Variants in PEBP4 observed in about 807,000 individuals in gnomAD.
The protein encoded by PEBP4 is phosphatidylethanolamine binding protein 4, also known as phosphatidylethanolamine-binding protein 4.
PEBP4 carries 22 observed loss-of-function variants against 23.9 expected under a neutral mutation model. The observed-to-expected ratio is 0.92, with a 90% CI of 0.66 to 1.31. The LOEUF is 1.31. Ranked by LOEUF, PEBP4 falls within the 40% of genes most tolerant of loss-of-function variation. The probability of loss-of-function intolerance (pLI) is 0.00; values close to 1 mark genes in which losing one functional copy is unlikely to be tolerated. For synonymous variants in PEBP4, 112 were observed against 99.3 expected (o/e 1.13, Z -0.76); for missense variants, 324 against 281.7 (o/e 1.15, Z -1.07).
intron 4 of PEBP4, among the ~76,000 whole-genome samples, chr8:22,782,552 G>A (rs976367059): frequency 6.6e-6 from 1 of 152,164 alleles, no homozygotes; most frequent in Non-Finnish European, 1.5e-5. Context: ...TGGGCACCAG[G>A]GAGTGCTAAT....
rs1806772064 is a variant in PEBP4, at chr8:22,817,658, A to G, written c.336T>C (p.His112=). 3 of 1,614,154 alleles carry G rather than the reference A, an allele frequency of 1.9e-6. No individual in the cohort carries two copies. The highest frequency in any genetic ancestry group is 2.5e-6 in the Non-Finnish European group (3 of 1,180,004). ...RAEPRQRFWR[H]WLVTDIKGAD... ...TTACCTTGATATCTGTTACCAGCCA[A>G]TGTCTCCAGAATCTCTGTCTGGGTT... The change falls in exon 4 of 7, where the codon CAT becomes CAC. Residue 112 remains histidine, a synonymous_variant. Coordinates refer to ENST00000256404, the MANE Select transcript of PEBP4 (RefSeq NM_144962.3).
intron 4 of PEBP4, among the ~76,000 whole-genome samples, chr8:22,769,982 AG>A (rs1805685365): frequency 6.6e-6 from 1 of 152,012 alleles, no homozygotes; most frequent in Admixed American, 6.6e-5. Flanking sequence ...TGCTGCCCTC[AG>A]GGCCCCTGAC....
At chr8:22,928,540 T>C (rs1306486848), upstream of PEBP4, among the ~76,000 whole-genome samples, 1 of 152,154 alleles carries the variant, frequency 6.6e-6, no homozygotes, top group African/African-American at 2.4e-5. Context: ...CCGGGGACTG[T>C]CGCCTGCATT....
intron 3 of PEBP4, among the ~76,000 whole-genome samples, chr8:22,909,850 G>A (rs1334146096): frequency 6.6e-6 from 1 of 152,198 alleles, no homozygotes; most frequent in African/African-American, 2.4e-5. Flanking sequence ...TGTTCATAAA[G>A]TGCTTAGCAC....
At chr8:22,898,646 A>T (rs1461614344) in intron 3 of PEBP4, among the ~76,000 whole-genome samples, 1 of 152,150 alleles carries the variant, frequency 6.6e-6, no homozygotes, top group Non-Finnish European at 1.5e-5. Flanking sequence ...TGCACACCCA[A>T]GTGAAAGCTA....
chr8:22,829,081 G>A (rs930915053), intron 3 of PEBP4, among the ~76,000 whole-genome samples: 1 of 152,164 alleles, frequency 6.6e-6, no homozygotes, highest in East Asian at 1.9e-4. Context: ...TGATAATTTT[G>A]CACAGCAGCG....
At chr8:22,752,412 C>T (rs1157449455) in intron 4 of PEBP4, among the ~76,000 whole-genome samples, 3 of 152,248 alleles carry the variant, frequency 2.0e-5, no homozygotes, top group Admixed American at 2.0e-4. Context: ...CTACGGTTGC[C>T]TGGCCATAGA....
intron 6 of PEBP4, among the ~76,000 whole-genome samples, chr8:22,714,484 T>A (rs1269209574): frequency 6.6e-6 from 1 of 151,784 alleles, no homozygotes. Flanking sequence ...TTACATGAAT[T>A]TTTTTTTCCG....
At chr8:22,787,060 C>G (rs1806044460) in intron 4 of PEBP4, among the ~76,000 whole-genome samples, 1 of 152,192 alleles carries the variant, frequency 6.6e-6, no homozygotes, top group African/African-American at 2.4e-5. Flanking sequence ...TGGGCTCAAG[C>G]AATCTTCCTG....
intron 4 of PEBP4, among the ~76,000 whole-genome samples, chr8:22,761,037 G>A (rs927240015): frequency 6.6e-6 from 1 of 152,188 alleles, no homozygotes; most frequent in South Asian, 2.1e-4. Context: ...TAGGGCCAGC[G>A]GGGAGGCGGG....
chr8:22,757,453 A>T (rs1805412111), intron 4 of PEBP4: 1 of 152,472 alleles, frequency 6.6e-6, no homozygotes, highest in South Asian at 2.1e-4. Context: ...TCCTTCCTCC[A>T]GGCAGCTCAC....
At chr8:22,902,355 A>T (rs1426217974) in intron 3 of PEBP4, among the ~76,000 whole-genome samples, 1 of 152,110 alleles carries the variant, frequency 6.6e-6, no homozygotes, top group Non-Finnish European at 1.5e-5. Flanking sequence ...AAACCTACAT[A>T]AATTTTAAAA....
At chr8:22,713,605 T>C (rs1804354242) in intron 6 of PEBP4, 69 bp from the exon 7 acceptor site, 2 of 1,604,970 alleles carry the variant, frequency 1.2e-6, no homozygotes, top group African/African-American at 2.7e-5. Context: ...GGCAGGGGCC[T>C]GAGAGGGAGG....
intron 4 of PEBP4, among the ~76,000 whole-genome samples, chr8:22,806,021 G>A (rs1296510412): frequency 6.6e-6 from 1 of 152,052 alleles, no homozygotes; most frequent in Non-Finnish European, 1.5e-5. Context: ...CCCACATTGT[G>A]GCTTGACATT....
At chr8:22,779,767 A>G (rs77200602) in intron 4 of PEBP4, among the ~76,000 whole-genome samples, 5,898 of 152,286 alleles carry the variant, frequency 0.039, 224 homozygotes, top group African/African-American at 0.096. Flanking sequence ...GGCTTCGAAT[A>G]TATGCATATA....
At chr8:22,727,705 G>A (rs1341413544) in intron 4 of PEBP4, among the ~76,000 whole-genome samples, 1 of 152,106 alleles carries the variant, frequency 6.6e-6, no homozygotes, top group East Asian at 1.9e-4. Context: ...AGAATATTAA[G>A]CAATGGGCTC....
At chr8:22,802,782 T>C (rs1400796508) in intron 4 of PEBP4, among the ~76,000 whole-genome samples, 1 of 152,166 alleles carries the variant, frequency 6.6e-6, no homozygotes, top group Non-Finnish European at 1.5e-5. Context: ...CAGGGGAGTG[T>C]GTTGTGCGTA....
chr8:22,808,527 T>G (rs186257531), intron 4 of PEBP4, among the ~76,000 whole-genome samples: 164 of 152,314 alleles, frequency 1.1e-3, no homozygotes, highest in African/African-American at 3.8e-3. Context: ...TAAATAATAA[T>G]GAGGGCACTA....
intron 4 of PEBP4, among the ~76,000 whole-genome samples, chr8:22,728,552 CTTTCTTT>C (rs771068291): frequency 0.014 from 1,233 of 87,760 alleles, 11 homozygotes; most frequent in Middle Eastern, 0.038. Flanking sequence ...TCCTTTCTTT[CTTTCTTT>C]CTTCCTTCCT....
Sources: allele counts gnomAD v4.1 joint callset (sites outside exome capture counted in the v4.1 genomes callset), GRCh38; gene constraint gnomAD v4.1.1; transcripts MANE v1.5; gene names NCBI Gene and HGNC (gene_info 2026-07-23, HGNC 2026-07-21).